The following SPEG variants were observed in gnomAD, a reference collection of about 807,000 sequenced individuals.
The protein encoded by SPEG is striated muscle preferentially expressed protein kinase.
Under a neutral mutation model 300.4 loss-of-function variants are expected in SPEG, and 114 were observed. The observed-to-expected ratio is 0.38, with a 90% CI of 0.33 to 0.44. The LOEUF is 0.44. SPEG is among the 20% of genes least tolerant of loss of function. SPEG has a pLI of 1.00. For missense variants in SPEG, 4,201 were observed against 4,586.2 expected (o/e 0.92, Z 2.43); for synonymous variants, 1,964 against 2,018.9 (o/e 0.97, Z 0.73).
rs1481606622 is a variant in SPEG at position 219,483,973 on chromosome 2, C to T, written c.6510C>T (p.Leu2170=). The change falls in exon 30 of 41, where the codon CTC becomes CTT. Residue 2170 remains leucine, a synonymous_variant. Transcript: ENST00000312358. Reference sequence around the variant, plus strand: ...AGGAGTCTCCTTCCCTGTCTGCCCTCAGCGAGGCCCAGCCATCCAGCCCTG... The same window carrying T: ...AGGAGTCTCCTTCCCTGTCTGCCCTTAGCGAGGCCCAGCCATCCAGCCCTG... ...RLQESPSLSA[L]SEAQPSSPAR... 6.2e-7 allele frequency: 1 copy of T among 1,610,040 alleles called. No individual in the cohort carries two copies. The highest frequency in any genetic ancestry group is 1.7e-5 in the Admixed American group (1 of 60,022).
At position 219,492,973 on chromosome 2, in the gene SPEG, C is replaced by T. The variant is rs1269940961; in HGVS notation, c.*187C>T. 1 of 742,418 alleles carries T rather than the reference C, an allele frequency of 1.3e-6. No homozygotes were observed. 46.0% of individuals were successfully genotyped at this position (742,418 alleles called of 1,614,324 possible). A position where few individuals can be genotyped will look rare whatever the true frequency, so the allele number is the denominator to read the frequency against. On this transcript the variant is annotated 3_prime_UTR_variant, in exon 41 of 41. Coordinates refer to ENST00000312358, the MANE Select transcript of SPEG (RefSeq NM_005876.5). ...CCCCAGGGCCTGGACCTGATGCCAC[C>T]CCAGGCCAAAGCCAGAGTGGGAGAC...
chr2:219,454,224 G>C (rs1225263413), intron 6 of SPEG, among the ~76,000 whole-genome samples: 2 of 152,208 alleles, frequency 1.3e-5, no homozygotes, highest in Non-Finnish European at 2.9e-5. Flanking sequence ...TGGATAACTA[G>C]AGAATGCGGC....
At chr2:219,435,668 C>T (rs1954699419) in intron 1 of SPEG, among the ~76,000 whole-genome samples, 1 of 152,216 alleles carries the variant, frequency 6.6e-6, no homozygotes, top group African/African-American at 2.4e-5. Flanking sequence ...TTCTTCTCCT[C>T]CTGTGGAGAA....
Position 219,435,070 on chromosome 2 carries a change from C to T in SPEG, c.93C>T (p.Ala31=), listed in dbSNP as rs1443029169. 7 of 1,471,442 alleles carry T rather than the reference C, an allele frequency of 4.8e-6. No individual in the cohort carries two copies. Among genetic ancestry groups the T allele is most frequent in the African/African-American group, 1.5e-5 (1 of 67,706 alleles). 91.1% of individuals were successfully genotyped at this position (1,471,442 alleles called of 1,614,324 possible). ...CCCCGAAAAGGGCCAAGGTGGGGGC[C>T]GGCGGCGGGGCTCCTGTGGCCGTGG... The part of the protein sequence containing the change: ...GVPPKRAKVG[A]GGGAPVAVAG... Residue 31 remains alanine (A), a synonymous_variant, in exon 1 of 41, where the codon GCC becomes GCT. Coordinates refer to ENST00000312358, the MANE Select transcript of SPEG (RefSeq NM_005876.5).
intron 9 of SPEG, 200 bp from the exon 10 acceptor site, chr2:219,466,974 C>G (rs1691423099): frequency 1.0e-5 from 11 of 1,065,148 alleles, no homozygotes; most frequent in Non-Finnish European, 1.2e-5. Flanking sequence ...CTCCCTGGCC[C>G]AGCTTGGATT....
rs774073561 is a variant in SPEG, at chr2:219,489,858, G to C, written c.8840G>C (p.Arg2947Pro). ...GTCAGCTCCCCTGGGAGCAGTCCCC[G>C]AAGCTCTCCCAGGCCTGAGGGTACC... ...EVVSSPGSSP[R>P]SSPRPEGTTL... The change falls in exon 36 of 41, where the codon CGA (arginine) becomes CCA (proline). Residue 2947 changes from arginine (R) to proline (P), a missense_variant. This residue lies in a region of SPEG where 1,578 missense variants were observed against 1,506.0 expected (regional missense o/e 1.05). Transcript: ENST00000312358. 2 of 1,611,964 alleles carry C rather than the reference G, an allele frequency of 1.2e-6. No homozygotes were observed. Among genetic ancestry groups the C allele is most frequent in the Non-Finnish European group, 1.7e-6 (2 of 1,178,826 alleles).
Position 219,443,274 on chromosome 2 carries a change from C to T in SPEG, c.389-1379C>T, listed in dbSNP as rs1413586236. 1.0e-6 allele frequency: 1 copy of T among 983,982 alleles called. No individual in the cohort carries two copies. Among genetic ancestry groups the T allele is most frequent in the Admixed American group, 1.7e-5 (1 of 58,958 alleles). The allele number at this position is 983,982 out of a possible 1,614,324, so 61.0% of individuals were successfully genotyped here. A position where few individuals can be genotyped will look rare whatever the true frequency, so the allele number is the denominator to read the frequency against. The stretch of plus-strand genomic sequence containing the variant: ...AGATGTGGAACCCTCCCACTCACCC[C>T]CACACTTATCTACCACCCACCCGAC... On this transcript the variant is annotated intron_variant, in intron 1 of 40. Coordinates refer to ENST00000312358, the MANE Select transcript of SPEG (RefSeq NM_005876.5). This position sits in a 1 kb window ranked among gnomAD's most constrained non-coding sequence, Gnocchi z 4.6.
chr2:219,491,146 A>G (rs952548743), intron 38 of SPEG, among the ~76,000 whole-genome samples, 190 bp downstream of exon 38: 2 of 152,258 alleles, frequency 1.3e-5, no homozygotes, highest in African/African-American at 2.4e-5. Flanking sequence ...CCCCTTTTAC[A>G]GATGAGGAAA....
chr2:219,473,958 C>T lies in SPEG; in HGVS notation c.4447+55C>T. On this transcript the variant is annotated intron_variant, in intron 18 of 40. Transcript: ENST00000312358. This position sits in a 1 kb window ranked among gnomAD's most constrained non-coding sequence, Gnocchi z 4.6. ...TCCCTCCAAGGCCCAAAGCTCTCTA[C>T]TCACACCCCCAGGTACACAACCTGC... 6.5e-7 allele frequency: 1 copy of T among 1,546,174 alleles called. No homozygotes were observed. The highest frequency in any genetic ancestry group is 8.7e-7 in the Non-Finnish European group (1 of 1,144,838).
rs2125465982 is a variant in SPEG at position 219,468,994 on chromosome 2, A to G, written c.3437A>G (p.His1146Arg). The G allele has an allele frequency of 6.2e-7, 1 of 1,613,894 alleles. No individual in the cohort carries two copies. Among genetic ancestry groups the G allele is most frequent in the Non-Finnish European group, 8.5e-7 (1 of 1,179,976 alleles). ...VSAVNTHGQA[H>R]CSAQLYVEEP... ...GCTGTTAACACCCATGGCCAGGCCC[A>G]CTGCTCAGCCCAGCTGTATGTAGAA... Residue 1146 changes from histidine to arginine, a missense_variant, in exon 12 of 41, where the codon CAC becomes CGC. By Grantham distance (29) the His-to-Arg change is conservative. Transcript: ENST00000312358.
chr2:219,483,617 C>T lies in SPEG; in HGVS notation c.6154C>T (p.Arg2052Cys), dbSNP rs1281217436. ...QRRSPSPGAT[R>C]LARGGLGEGE... ...CCGGAGCCCCAGCCCGGGAGCCACC[C>T]GCCTGGCCCGGGGAGGCCTGGGTGA... Residue 2052 changes from arginine to cysteine, a missense_variant, in exon 30 of 41, where the codon CGC becomes TGC. Transcript: ENST00000312358. The T allele has an allele frequency of 1.3e-6, 2 of 1,509,588 alleles. No individual in the cohort carries two copies. The highest frequency in any genetic ancestry group is 2.1e-5 in the Admixed American group (1 of 48,676). 93.5% of individuals were successfully genotyped at this position (1,509,588 alleles called of 1,614,324 possible).
chr2:219,454,892 G>A (rs1690052452), intron 6 of SPEG, among the ~76,000 whole-genome samples: 1 of 152,124 alleles, frequency 6.6e-6, no homozygotes, highest in African/African-American at 2.4e-5. Context: ...TCAGGAGTTC[G>A]AGACCAGCCT....
At chr2:219,455,598 C>G (rs1024119974) in intron 6 of SPEG, among the ~76,000 whole-genome samples, 1 of 152,156 alleles carries the variant, frequency 6.6e-6, no homozygotes, top group African/African-American at 2.4e-5. Flanking sequence ...CTCGGTCTCT[C>G]AAGCCTACAC....
In SPEG at chr2:219,445,364, C is replaced by T. The variant is rs757494414; in HGVS notation, c.815+203C>T. On this transcript the variant is annotated intron_variant, in intron 3 of 40. Transcript: ENST00000312358. This position sits in a 1 kb window ranked among gnomAD's most constrained non-coding sequence, Gnocchi z 6.1. ...CACCGCCCACATCCCCCTGCTCCCA[C>T]CTGTCCTGGCTCACCATGCCATCTC... Among the ~76,000 whole-genome samples, 2 of 152,164 alleles carry T rather than the reference C, an allele frequency of 1.3e-5. No homozygotes were observed. The highest frequency in any genetic ancestry group is 2.9e-5 in the Non-Finnish European group (2 of 68,022).
chr2:219,468,251 G>A (rs568180569), intron 10 of SPEG, among the ~76,000 whole-genome samples: 2 of 145,174 alleles, frequency 1.4e-5, no homozygotes, highest in East Asian at 4.5e-4. Context: ...TGGCTTCTAG[G>A]ACCCTATCAG....
In SPEG at chr2:219,443,800, C is replaced by G. The variant is rs907309855; in HGVS notation, c.389-853C>G. On this transcript the variant is annotated intron_variant, in intron 1 of 40. Coordinates refer to ENST00000312358, the MANE Select transcript of SPEG (RefSeq NM_005876.5). This position sits in a 1 kb window ranked among gnomAD's most constrained non-coding sequence, Gnocchi z 4.6. ...TGGCCAGTGGCAGCACCAGTAAGTG[C>G]CAAGGATACCAGAACCACTGGGGCA... 14 of 370,974 alleles carry G rather than the reference C, an allele frequency of 3.8e-5. No individual in the cohort carries two copies. The highest frequency in any genetic ancestry group is 3.0e-4 in the African/African-American group (14 of 47,378). The allele number at this position is 370,974 out of a possible 1,614,324, so 23.0% of individuals were successfully genotyped here. A position where few individuals can be genotyped will look rare whatever the true frequency, so the allele number is the denominator to read the frequency against.
At chr2:219,471,229 G>C (rs1691847697) in intron 13 of SPEG, among the ~76,000 whole-genome samples, 1 of 152,184 alleles carries the variant, frequency 6.6e-6, no homozygotes, top group Non-Finnish European at 1.5e-5. Flanking sequence ...GGAAGCCTTA[G>C]GTAAGAGGAG....
At position 219,483,696 on chromosome 2, in the gene SPEG, G is replaced by A. The variant is rs1225651668; in HGVS notation, c.6233G>A (p.Gly2078Asp). ...QALRQRLLRG[G>D]PEDGKVSGLR... is the part of the protein sequence containing the mutation. Reference sequence around the variant, plus strand: ...CTGCGCCAGCGGCTGCTGCGGGGAGGCCCCGAGGATGGCAAGGTCAGCGGC... The same window carrying A: ...CTGCGCCAGCGGCTGCTGCGGGGAGACCCCGAGGATGGCAAGGTCAGCGGC... The change falls in exon 30 of 41, where the codon GGC (glycine) becomes GAC (aspartate). Residue 2078 changes from glycine (G) to aspartate (D), a missense_variant. Gly to Asp is a moderately conservative substitution (Grantham distance 94). Coordinates refer to ENST00000312358, the MANE Select transcript of SPEG (RefSeq NM_005876.5). 7.2e-6 allele frequency: 11 copies of A among 1,533,812 alleles called. No homozygotes were observed. Among genetic ancestry groups the A allele is most frequent in the African/African-American group, 4.1e-5 (3 of 72,736 alleles).
chr2:219,448,996 C>T lies in SPEG; in HGVS notation c.1838C>T (p.Pro613Leu). The change falls in exon 4 of 41, where the codon CCC becomes CTC. Residue 613 changes from proline to leucine, a missense_variant. Coordinates refer to ENST00000312358, the MANE Select transcript of SPEG (RefSeq NM_005876.5). ...AIQECRSPVP[P>L]PAADPPEART... ...CAGGAGTGCAGGAGCCCTGTGCCGC[C>T]CCCCGCCGCCGATCCCCCAGAGGCC... The T allele has an allele frequency of 1.3e-6, 2 of 1,483,344 alleles. No homozygotes were observed. The highest frequency in any genetic ancestry group is 1.8e-6 in the Non-Finnish European group (2 of 1,119,538). 91.9% of individuals were successfully genotyped at this position (1,483,344 alleles called of 1,614,324 possible).
Sources: allele counts gnomAD v4.1 joint callset (sites outside exome capture counted in the v4.1 genomes callset), GRCh38; gene constraint gnomAD v4.1.1; regional missense constraint gnomAD v4.1.1; non-coding constraint Gnocchi (gnomAD v3.1); transcripts MANE v1.5; gene names NCBI Gene and HGNC (gene_info 2026-07-23, HGNC 2026-07-21).